The following VPS13B variants were observed in gnomAD, a reference collection of about 807,000 sequenced individuals.
VPS13B encodes the protein vacuolar protein sorting 13 homolog B.
VPS13B carries 285 observed loss-of-function variants against 426.4 expected under a neutral mutation model. The observed-to-expected ratio is 0.67, with a 90% confidence interval of 0.61 to 0.74. The LOEUF is 0.74. Ranked by LOEUF, VPS13B falls within the 30% of genes least tolerant of loss-of-function variation. The pLI, the probability that VPS13B is intolerant of heterozygous loss-of-function variation, is 0.00. For missense variants in VPS13B, 4,537 were observed against 4,782.6 expected (o/e 0.95, Z 1.51); for synonymous variants, 1,676 against 1,676.4 (o/e 1.00, Z 0.01).
At chr8:99,429,588 T>G (rs1427287567) in intron 21 of VPS13B, 1 of 152,200 alleles carries the variant, frequency 6.6e-6, no homozygotes, top group East Asian at 1.9e-4. Context: ...TTCCAGTCTC[T>G]CAGTCCTAAT....
At position 99,384,208 on chromosome 8, in the gene VPS13B, G is replaced by T. The variant is rs765354194; in HGVS notation, c.2825G>T (p.Gly942Val). ...ACAGTTTAAAAATCTTGTCTTTTAG[G>T]TGCTGTACTTCTTTGCAGTATACAA... ...PQYIDYCHNS[G>V]AVLLCSIQGL... The change falls in exon 20 of 62, where the codon GGT becomes GTT. Residue 942 changes from glycine to valine, a missense_variant and splice_region_variant. Gly to Val is a moderately radical substitution (Grantham distance 109). Transcript: ENST00000357162. 6.2e-7 allele frequency: 1 copy of T among 1,612,918 alleles called. No individual in the cohort carries two copies. Among genetic ancestry groups the T allele is most frequent in the Admixed American group, 1.7e-5 (1 of 59,998 alleles).
intron 4 of VPS13B, 142 bp from the exon 5 acceptor site, chr8:99,102,811 C>G: frequency 2.4e-6 from 2 of 826,984 alleles, no homozygotes; most frequent in South Asian, 1.7e-5. Flanking sequence ...AGCCTTTTAA[C>G]CTATCTGAAC....
intron 36 of VPS13B, among the ~76,000 whole-genome samples, chr8:99,705,312 A>G (rs1393029184): frequency 2.6e-5 from 4 of 152,124 alleles, no homozygotes; most frequent in Non-Finnish European, 5.9e-5. Flanking sequence ...CTTTTTTCAA[A>G]AAATGTCCCA....
At chr8:99,501,954 T>C (rs943687708) in intron 26 of VPS13B, 96 bp downstream of exon 26, 3 of 1,207,764 alleles carry the variant, frequency 2.5e-6, no homozygotes, top group Non-Finnish European at 3.5e-6. Context: ...CTTTTCTGTC[T>C]GTCTGTCTGT....
intron 15 of VPS13B, among the ~76,000 whole-genome samples, chr8:99,162,973 G>A (rs532431987): frequency 6.6e-6 from 1 of 152,040 alleles, no homozygotes; most frequent in Non-Finnish European, 1.5e-5. Context: ...GGTTCTCCAC[G>A]TCCCCATCAG....
At chr8:99,539,102 T>C (rs1156532109) in intron 30 of VPS13B, among the ~76,000 whole-genome samples, 1 of 152,204 alleles carries the variant, frequency 6.6e-6, no homozygotes, top group East Asian at 1.9e-4. Context: ...AAGTCATGGC[T>C]TATGATATTA....
chr8:99,075,031 A>AT (rs551130275), intron 3 of VPS13B, among the ~76,000 whole-genome samples: 422 of 152,068 alleles, frequency 2.8e-3, no homozygotes, highest in Middle Eastern at 0.01. Flanking sequence ...CCTTCTCATC[A>AT]TTTTTTTGGA....
At chr8:99,054,078 G>A (rs376678875) in intron 3 of VPS13B, among the ~76,000 whole-genome samples, 2 of 152,150 alleles carry the variant, frequency 1.3e-5, no homozygotes, top group African/African-American at 2.4e-5. Context: ...TTCATTCACC[G>A]ATGGACACTT....
At chr8:99,113,661 T>C (rs570669807) in intron 6 of VPS13B, among the ~76,000 whole-genome samples, 18 of 152,022 alleles carry the variant, frequency 1.2e-4, no homozygotes, top group Non-Finnish European at 2.1e-4. Flanking sequence ...GCCTCCCGGG[T>C]TCAAGTGATT....
At chr8:99,256,037 G>A (rs1817728171) in intron 17 of VPS13B, among the ~76,000 whole-genome samples, 1 of 152,150 alleles carries the variant, frequency 6.6e-6, no homozygotes, top group African/African-American at 2.4e-5. Context: ...GTGTTTGGGT[G>A]GAGGAGACCA....
intron 51 of VPS13B, among the ~76,000 whole-genome samples, chr8:99,829,817 C>T (rs999634192): frequency 4.6e-5 from 7 of 152,188 alleles, no homozygotes; most frequent in Non-Finnish European, 1.0e-4. Context: ...GATGCTATTG[C>T]TTTCTGTTTG....
intron 31 of VPS13B, among the ~76,000 whole-genome samples, chr8:99,570,357 C>A (rs1017378187): frequency 6.6e-6 from 1 of 151,954 alleles, no homozygotes; most frequent in Non-Finnish European, 1.5e-5. Flanking sequence ...CATGTCTCTT[C>A]GTTTTCCTTT....
chr8:99,024,234 A>C (rs1277096019), intron 2 of VPS13B, among the ~76,000 whole-genome samples: 2 of 152,162 alleles, frequency 1.3e-5, no homozygotes, highest in Non-Finnish European at 2.9e-5. Flanking sequence ...GCAATTGCCT[A>C]TTTTAAAATT....
chr8:99,860,881 C>G (rs1271726200), intron 57 of VPS13B, among the ~76,000 whole-genome samples: 1 of 152,230 alleles, frequency 6.6e-6, no homozygotes, highest in Non-Finnish European at 1.5e-5. Context: ...ATTCCCCTCA[C>G]TGGTTTTTCA....
At chr8:99,814,186 A>G (rs1813886866) in intron 44 of VPS13B, among the ~76,000 whole-genome samples, 1 of 152,224 alleles carries the variant, frequency 6.6e-6, no homozygotes, top group Non-Finnish European at 1.5e-5. Flanking sequence ...AGTTATTCAT[A>G]TTTATTGGTG....
At chr8:99,276,116 T>C (rs1818882908) in intron 19 of VPS13B, among the ~76,000 whole-genome samples, 1 of 152,084 alleles carries the variant, frequency 6.6e-6, no homozygotes, top group African/African-American at 2.4e-5. Flanking sequence ...ATGAAAAGAT[T>C]TGCAACTAAC....
chr8:99,030,882 T>C lies in VPS13B; in HGVS notation c.148-7541T>C, dbSNP rs76927337. Among the ~76,000 whole-genome samples, 333 of 152,362 alleles carry C rather than the reference T, an allele frequency of 2.2e-3. 2 individuals carry two copies. The highest frequency in any genetic ancestry group is 7.8e-3 in the African/African-American group (323 of 41,582). On this transcript the variant is annotated intron_variant, in intron 2 of 61. Transcript: ENST00000357162. ...TAGTAGTGTACTAATTTGATACTAA[T>C]TTAATAATTTCATTAATCTTTCTTA...
At chr8:99,759,741 C>G (rs1195952423) in intron 39 of VPS13B, among the ~76,000 whole-genome samples, 2 of 152,160 alleles carry the variant, frequency 1.3e-5, no homozygotes, top group African/African-American at 4.8e-5. Context: ...CATCAGCATC[C>G]ATATGGCTGC....
chr8:99,855,998 C>G (rs1046269109), intron 56 of VPS13B, among the ~76,000 whole-genome samples: 1 of 152,228 alleles, frequency 6.6e-6, no homozygotes. Flanking sequence ...GAGCTCCAAT[C>G]TGAGGCCTGG....
Sources: allele counts gnomAD v4.1 joint callset (sites outside exome capture counted in the v4.1 genomes callset), GRCh38; gene constraint gnomAD v4.1.1; transcripts MANE v1.5; gene names NCBI Gene and HGNC (gene_info 2026-07-23, HGNC 2026-07-21).